The following PHTF1 variants were observed in gnomAD, a reference collection of about 807,000 sequenced individuals.
The protein encoded by PHTF1 is protein PHTF1.
In PHTF1, 88 loss-of-function variants were observed where a neutral mutation model predicts 102.4. That is an observed-to-expected ratio of 0.86 (90% confidence interval 0.72 to 1.03). The LOEUF (loss-of-function observed/expected upper bound fraction) is 1.03, where lower values mean the gene tolerates loss of function less well. Ranked by LOEUF, PHTF1 falls within the 50% of genes least tolerant of loss-of-function variation. The pLI is 0.00. For missense variants in PHTF1, 814 were observed against 909.5 expected, an observed-to-expected ratio of 0.89 and a Z score of 1.35; for synonymous variants, 289 against 305.2, an observed-to-expected ratio of 0.95 and a Z score of 0.55.
At chr1:113,745,234 T>A (rs1043459431) in intron 3 of PHTF1, among the ~76,000 whole-genome samples, 3 of 151,746 alleles carry the variant, frequency 2.0e-5, no homozygotes, top group Admixed American at 6.6e-5. Flanking sequence ...ATGCTAGGAG[T>A]ATGATTTTAT....
intron 2 of PHTF1, among the ~76,000 whole-genome samples, chr1:113,758,447 G>A (rs1659218454): frequency 6.6e-6 from 1 of 151,596 alleles, no homozygotes; most frequent in Non-Finnish European, 1.5e-5. Flanking sequence ...CAGCCTGAAG[G>A]AGGTGGCTTG....
At chr1:113,736,484 C>T (rs1655515610) in intron 5 of PHTF1, among the ~76,000 whole-genome samples, 1 of 152,192 alleles carries the variant, frequency 6.6e-6, no homozygotes, top group African/African-American at 2.4e-5. Context: ...GTGGCTCACA[C>T]CTGTAATCCC....
At chr1:113,705,787 C>T in intron 13 of PHTF1, 103 bp downstream of exon 13, 3 of 787,210 alleles carry the variant, frequency 3.8e-6, no homozygotes, top group Admixed American at 2.8e-5. Flanking sequence ...TCCTTTATTG[C>T]CCACATCAAC....
chr1:113,737,313 G>A (rs770471585), intron 5 of PHTF1, among the ~76,000 whole-genome samples: 1 of 152,212 alleles, frequency 6.6e-6, no homozygotes, highest in Non-Finnish European at 1.5e-5. Flanking sequence ...CACAAGTGAA[G>A]AGTTCCATTT....
intron 14 of PHTF1, 68 bp downstream of exon 14, chr1:113,704,598 A>T (rs1649848925): frequency 8.6e-7 from 1 of 1,158,298 alleles, no homozygotes; most frequent in South Asian, 1.5e-5. Flanking sequence ...TCTACTGAGT[A>T]ACTGCTGCCA....
chr1:113,697,855 A>C (rs556047903), intron 18 of PHTF1, 130 bp from the exon 19 acceptor site: 1 of 662,010 alleles, frequency 1.5e-6, no homozygotes, highest in African/African-American at 1.8e-5. Flanking sequence ...GGCAATAGCA[A>C]CCATAGAACA....
At position 113,710,267 on chromosome 1, in the gene PHTF1, T is replaced by A. The variant is rs1650848464; in HGVS notation, c.1256A>T (p.Asp419Val). The A allele has an allele frequency of 1.9e-6, 3 of 1,612,676 alleles. No homozygotes were observed. The highest frequency in any genetic ancestry group is 1.7e-6 in the Non-Finnish European group (2 of 1,179,456). ...GTCTGCACAGACCTGCTGAAAAACA[T>A]CCTCTTTGGGGTCACGTTTGGTCCC... ...HSGTKRDPKE[D>V]VFQQNHLFWL... Residue 419 changes from aspartate (D) to valine (V), a missense_variant, in exon 11 of 19, where the codon GAT becomes GTT. By Grantham distance (152) the Asp-to-Val change is radical. Coordinates refer to ENST00000369604, the MANE Select transcript of PHTF1 (RefSeq NM_001323043.2).
intron 14 of PHTF1, 133 bp from the exon 15 acceptor site, chr1:113,704,300 TAACATATTTTGG>T (rs1649798911): frequency 3.6e-6 from 2 of 550,068 alleles, no homozygotes; most frequent in Middle Eastern, 5.5e-4. Context: ...GATAGGATTT[TAACATATTTTGG>T]ACGTCATCAA....
At position 113,724,539 on chromosome 1, in the gene PHTF1, TC is replaced by T. The variant is rs1281289600; in HGVS notation, c.623+219del. ...CTGGGTGAGAGAATGAGACTCCATT[TC>T]AAAAAAAAAAAAAAAAAACAGAATA... On this transcript the variant is annotated intron_variant, in intron 7 of 18. Transcript: ENST00000369604. Among the ~76,000 whole-genome samples the T allele has an allele frequency of 3.3e-3, 383 of 117,358 alleles. 1 individual carries two copies. The highest frequency in any genetic ancestry group is 0.014 in the African/African-American group (350 of 25,444). 77.0% of individuals were successfully genotyped at this position (117,358 alleles called of 152,430 possible).
At chr1:113,740,134 T>C (rs182859625) in intron 3 of PHTF1, among the ~76,000 whole-genome samples, 1 of 152,324 alleles carries the variant, frequency 6.6e-6, no homozygotes, top group East Asian at 1.9e-4. Context: ...ATTTCTAGTT[T>C]TTTGAGGAAC....
chr1:113,753,803 T>A (rs1421942385), intron 3 of PHTF1, among the ~76,000 whole-genome samples: 1 of 151,430 alleles, frequency 6.6e-6, no homozygotes, highest in African/African-American at 2.4e-5. Flanking sequence ...GTCTCCTGAG[T>A]AGCTGGGACC....
chr1:113,752,432 T>C (rs12750414), intron 3 of PHTF1, among the ~76,000 whole-genome samples: 92,202 of 124,668 alleles, frequency 0.74, 34,911 homozygotes, highest in African/African-American at 0.82. Context: ...CGGAGTCTCG[T>C]TCTGTCGTCC....
At chr1:113,716,020 T>TAG (rs982323610) in intron 7 of PHTF1, among the ~76,000 whole-genome samples, 6 of 151,802 alleles carry the variant, frequency 4.0e-5, no homozygotes, top group Non-Finnish European at 2.9e-5. Flanking sequence ...AAAGAGGCGG[T>TAG]AGAGAGAGAG....
chr1:113,705,357 T>G (rs1353214585), intron 13 of PHTF1, among the ~76,000 whole-genome samples: 3 of 152,136 alleles, frequency 2.0e-5, no homozygotes, highest in African/African-American at 7.2e-5. Flanking sequence ...GAAGGACTGC[T>G]TGATCCTCAG....
intron 7 of PHTF1, among the ~76,000 whole-genome samples, chr1:113,719,207 T>C (rs769310828): frequency 6.6e-6 from 1 of 152,134 alleles, no homozygotes; most frequent in Non-Finnish European, 1.5e-5. Context: ...TTCACCATGT[T>C]GGCCAGATTG....
chr1:113,748,767 C>T (rs1181897872), intron 3 of PHTF1, among the ~76,000 whole-genome samples: 1 of 151,954 alleles, frequency 6.6e-6, no homozygotes, highest in African/African-American at 2.4e-5. Context: ...AACTCCTGGG[C>T]TCAAGCGATC....
intron 3 of PHTF1, among the ~76,000 whole-genome samples, chr1:113,741,628 G>A (rs1656372815): frequency 6.6e-6 from 1 of 151,952 alleles, no homozygotes; most frequent in Non-Finnish European, 1.5e-5. Flanking sequence ...ATTAACTAGA[G>A]GTAAAATTAT....
intron 5 of PHTF1, among the ~76,000 whole-genome samples, chr1:113,735,365 CAAAAAAAAAAAAAAAAAAAAA>C (rs749964684): frequency 3.5e-5 from 1 of 28,444 alleles, no homozygotes; most frequent in African/African-American, 1.3e-4. Context: ...GACTCTGTCT[CAAAAAAAAAAAAAAAAAAAAA>C]AAAAAAAAAG....
chr1:113,713,604 TACTC>T (rs546224305), intron 7 of PHTF1, 166 bp from the exon 8 acceptor site: 52 of 570,092 alleles, frequency 9.1e-5, no homozygotes, highest in East Asian at 4.2e-4. Flanking sequence ...AATGACAAAA[TACTC>T]ACTCACAGAC....
Sources: gnomAD v4.1 joint callset for allele counts (sites outside exome capture counted in the v4.1 genomes callset) on GRCh38, gnomAD v4.1.1 for gene constraint, MANE v1.5 for transcripts, NCBI Gene and HGNC (gene_info 2026-07-23, HGNC 2026-07-21) for gene names.